PIK3R3: variants seen among roughly 807,000 people sequenced by gnomAD.
The protein encoded by PIK3R3 is phosphatidylinositol 3-kinase regulatory subunit gamma.
PIK3R3 carries 64 observed loss-of-function variants against 62.9 expected under a neutral mutation model. The observed-to-expected ratio is 1.02, with a 90% confidence interval of 0.83 to 1.25. The LOEUF (loss-of-function observed/expected upper bound fraction) is 1.25. Among genes scored for constraint, PIK3R3 ranks in the 50% most tolerant of loss-of-function variants. The pLI is 0.00. For synonymous variants in PIK3R3, 165 were observed against 189.0 expected, an observed-to-expected ratio of 0.87 and a Z score of 1.04; for missense variants, 614 against 561.6, an observed-to-expected ratio of 1.09 and a Z score of -0.94.
intron 1 of PIK3R3, among the ~76,000 whole-genome samples, chr1:46,082,403 CAATT>C (rs1356130361): frequency 6.6e-6 from 1 of 152,172 alleles, no homozygotes; most frequent in Non-Finnish European, 1.5e-5. Flanking sequence ...AGAATCCTGA[CAATT>C]AAATGCAATG....
At chr1:46,067,251 A>AAAATATATATATATATATAT in intron 3 of PIK3R3, among the ~76,000 whole-genome samples, 160 bp from the exon 4 acceptor site, 1 of 37,230 alleles carries the variant, frequency 2.7e-5, no homozygotes, top group Non-Finnish European at 6.3e-5. Context: ...TCTGTGTGTG[A>AAAATATATATATATATATAT]ACATATATAT....
intron 8 of PIK3R3, 111 bp downstream of exon 8, chr1:46,046,440 A>G: frequency 3.9e-6 from 3 of 774,456 alleles, no homozygotes; most frequent in South Asian, 3.2e-5. Context: ...AAAGTTCTAG[A>G]TTCAATGTCC....
chr1:46,133,093 A>G (rs1016008771), upstream of PIK3R3: 132 of 961,672 alleles, frequency 1.4e-4, no homozygotes, highest in Non-Finnish European at 1.5e-4. Flanking sequence ...GGAGCGGGAG[A>G]CGGCTGCGCG....
chr1:46,062,540 A>C (rs978181168), intron 5 of PIK3R3, among the ~76,000 whole-genome samples: 1 of 151,916 alleles, frequency 6.6e-6, no homozygotes, highest in Non-Finnish European at 1.5e-5. Flanking sequence ...GTGCCACTGC[A>C]CTCCAGCCTG....
chr1:46,106,186 T>A (rs936118643), intron 1 of PIK3R3, among the ~76,000 whole-genome samples: 2 of 152,156 alleles, frequency 1.3e-5, no homozygotes, highest in Non-Finnish European at 2.9e-5. Flanking sequence ...TACTGCAGCC[T>A]TGACCTTCCA....
At chr1:46,149,065 A>G in the PIK3R3 span, among the ~76,000 whole-genome samples, 70 of 152,268 alleles carry the variant, frequency 4.6e-4, 1 homozygote, top group South Asian at 0.014. Context: ...CAAGATGGCT[A>G]TGAAAATGAC....
chr1:46,079,281 A>C (rs1045350008), intron 2 of PIK3R3, among the ~76,000 whole-genome samples: 1 of 152,324 alleles, frequency 6.6e-6, no homozygotes, highest in Non-Finnish European at 1.5e-5. Flanking sequence ...CAAGAAAAAA[A>C]TTTAGTAAGA....
the PIK3R3 span, among the ~76,000 whole-genome samples, chr1:46,139,345 GC>G: frequency 6.6e-6 from 1 of 150,756 alleles, no homozygotes; most frequent in East Asian, 1.9e-4. Flanking sequence ...CACTCTTGCT[GC>G]CCAGGCTGGA....
the PIK3R3 span, among the ~76,000 whole-genome samples, chr1:46,163,152 T>C: frequency 2.6e-5 from 4 of 152,252 alleles, no homozygotes; most frequent in Non-Finnish European, 5.9e-5. Flanking sequence ...GCGACATTTC[T>C]TTTATGTCTT....
At chr1:46,064,507 CTCCA>C (rs537980630) in intron 5 of PIK3R3, among the ~76,000 whole-genome samples, 28 of 152,278 alleles carry the variant, frequency 1.8e-4, no homozygotes, top group Non-Finnish European at 3.4e-4. Flanking sequence ...TGCCACTTCA[CTCCA>C]GCCTGGGCGA....
rs370501368 is a variant in PIK3R3 at position 46,045,644 on chromosome 1, T to TTTTTTTTC, written c.1187+273_1187+274insGAAAAAAA. ...TTTTTTTTTTTTTTTTTTTTTTTTT[T>TTTTTTTTC]CAATTTAAGATCTCACATTACCTTT... is the stretch of plus-strand genomic sequence containing the variant. On this transcript the variant is annotated intron_variant, in intron 9 of 9. Coordinates refer to ENST00000262741, the MANE Select transcript of PIK3R3 (RefSeq NM_003629.4). Among the ~76,000 whole-genome samples, 107 of 82,676 alleles carry TTTTTTTTC rather than the reference T, an allele frequency of 1.3e-3. 18 individuals are homozygous for TTTTTTTTC. The highest frequency in any genetic ancestry group is 2.3e-3 in the East Asian group (5 of 2,182). The allele number at this position is 82,676 out of a possible 152,430, so 54.2% of individuals were successfully genotyped here. A position where few individuals can be genotyped will look rare whatever the true frequency, so the allele number is the denominator to read the frequency against.
At chr1:46,099,717 T>C (rs2149439892) in intron 1 of PIK3R3, among the ~76,000 whole-genome samples, 1 of 152,346 alleles carries the variant, frequency 6.6e-6, no homozygotes, top group East Asian at 1.9e-4. Context: ...TTAACGGTAC[T>C]TGTCCCAGGT....
intron 1 of PIK3R3, among the ~76,000 whole-genome samples, chr1:46,090,896 C>G (rs1361545274): frequency 6.6e-6 from 1 of 152,296 alleles, no homozygotes; most frequent in Non-Finnish European, 1.5e-5. Context: ...TCAGCAAATA[C>G]TACAAATCAG....
chr1:46,093,279 T>C (rs1225663215), intron 1 of PIK3R3, among the ~76,000 whole-genome samples: 1 of 152,160 alleles, frequency 6.6e-6, no homozygotes, highest in African/African-American at 2.4e-5. Context: ...TAGGAAGAAA[T>C]AAAGACACTA....
At chr1:46,062,554 G>A (rs1384966973) in intron 5 of PIK3R3, among the ~76,000 whole-genome samples, 3 of 147,506 alleles carry the variant, frequency 2.0e-5, no homozygotes, top group South Asian at 4.3e-4. Flanking sequence ...CAGCCTGGGC[G>A]ACAGGGCAAG....
chr1:46,074,304 A>C lies in PIK3R3; in HGVS notation c.314+3211T>G, dbSNP rs1438972080. On this transcript the variant is annotated intron_variant, in intron 3 of 9. Coordinates refer to ENST00000262741, the MANE Select transcript of PIK3R3 (RefSeq NM_003629.4). ...ACTCCGTCAAAAAAAAAAAAAAAAA[A>C]AAAAAAAAAAAAACCAATAAATTCA... is the stretch of plus-strand genomic sequence containing the variant. 5.7e-5 allele frequency among the ~76,000 whole-genome samples: 8 copies of C among 140,050 alleles called. 1 individual carries two copies. Among genetic ancestry groups the C allele is most frequent in the Non-Finnish European group, 6.0e-5 (4 of 66,478 alleles). The allele number at this position is 140,050 out of a possible 152,430, so 91.9% of individuals were successfully genotyped here. A position where few individuals can be genotyped will look rare whatever the true frequency, so the allele number is the denominator to read the frequency against.
At chr1:46,049,388 A>G (rs1426416349) in intron 7 of PIK3R3, among the ~76,000 whole-genome samples, 5 of 152,242 alleles carry the variant, frequency 3.3e-5, no homozygotes, top group African/African-American at 4.8e-5. Context: ...CCTGAGAGAG[A>G]AGGACAGGAG....
At chr1:46,047,803 C>T (rs1039294658) in intron 7 of PIK3R3, among the ~76,000 whole-genome samples, 5 of 152,018 alleles carry the variant, frequency 3.3e-5, no homozygotes, top group Admixed American at 1.3e-4. Context: ...TTTTTTGAGA[C>T]GGACTCTCAC....
At chr1:46,099,441 C>T (rs1652452885) in intron 1 of PIK3R3, among the ~76,000 whole-genome samples, 1 of 152,112 alleles carries the variant, frequency 6.6e-6, no homozygotes. Flanking sequence ...GCTTTTTACC[C>T]CTCCCAAATT....
Sources: gnomAD v4.1 joint callset for allele counts (sites outside exome capture counted in the v4.1 genomes callset) on GRCh38, gnomAD v4.1.1 for gene constraint, MANE v1.5 for transcripts, NCBI Gene and HGNC (gene_info 2026-07-23, HGNC 2026-07-21) for gene names.